The following TTC28 variants were observed in gnomAD, a reference collection of about 807,000 sequenced individuals.
TTC28 encodes the protein tetratricopeptide repeat domain 28, also known as tetratricopeptide repeat protein 28.
Under a neutral mutation model 198.0 loss-of-function variants are expected in TTC28, and 61 were observed. The observed-to-expected ratio is 0.31, with a 90% confidence interval of 0.25 to 0.38. The LOEUF is 0.38. TTC28 is among the 10% of genes least tolerant of loss of function. TTC28 has a pLI of 1.00. For synonymous variants in TTC28, 1,171 were observed against 1,297.8 expected (o/e 0.90, Z 2.10); for missense variants, 2,678 against 3,164.0 (o/e 0.85, Z 3.69).
intron 5 of TTC28, among the ~76,000 whole-genome samples, chr22:28,209,074 T>G (rs2039999908): frequency 6.6e-6 from 1 of 152,138 alleles, no homozygotes; most frequent in African/African-American, 2.4e-5. Context: ...TTCTCATACT[T>G]TCAAATTTTC....
At position 28,137,417 on chromosome 22, in the gene TTC28, G is replaced by GTA. The variant is rs1478087006; in HGVS notation, c.1441+25673_1441+25674dup. Among the ~76,000 whole-genome samples the GTA allele has an allele frequency of 4.6e-5, 7 of 152,216 alleles. No individual in the cohort carries two copies. The East Asian group carries it at 1.4e-3, about 29-fold the overall frequency. On this transcript the variant is annotated intron_variant, in intron 6 of 22. Coordinates refer to ENST00000397906, the MANE Select transcript of TTC28 (RefSeq NM_001145418.2). ...CTTTCCTCTCTCGCTTCTCAGAAGC[G>GTA]TACAGGTAGCAGACCAGCAAGTTAA...
At chr22:28,534,555 A>G (rs1462600197) in intron 2 of TTC28, among the ~76,000 whole-genome samples, 5 of 152,230 alleles carry the variant, frequency 3.3e-5, no homozygotes, top group Admixed American at 2.6e-4. Context: ...CAGCCATCCC[A>G]TTACTGAGTA....
In TTC28 at chr22:27,983,686, C is replaced by A; in HGVS notation, c.5981G>T (p.Ser1994Ile). ...SIASDAISVY[S>I]LSSIASSMSF... is the part of the protein sequence containing the mutation. ...CATTGAGGAGGCAATGGAGCTCAGA[C>A]TGTACACAGAGATGGCATCTGAGGC... The change falls in exon 23 of 23, where the codon AGT becomes ATT. Residue 1994 changes from serine to isoleucine, a missense_variant. By Grantham distance (142) the Ser-to-Ile change is moderately radical. Transcript: ENST00000397906. 2.6e-6 allele frequency: 4 copies of A among 1,549,380 alleles called. No individual in the cohort carries two copies. Among genetic ancestry groups the A allele is most frequent in the Non-Finnish European group, 3.5e-6 (4 of 1,146,044 alleles).
chr22:28,183,465 G>A (rs1923899034), intron 5 of TTC28, among the ~76,000 whole-genome samples: 1 of 152,106 alleles, frequency 6.6e-6, no homozygotes, highest in Non-Finnish European at 1.5e-5. Context: ...CAGGTCTTCA[G>A]GACCCCAGCT....
intron 2 of TTC28, among the ~76,000 whole-genome samples, chr22:28,443,760 A>G (rs2047660315): frequency 1.3e-5 from 2 of 152,124 alleles, no homozygotes; most frequent in African/African-American, 4.8e-5. Context: ...CCAACACAAA[A>G]AGTAAAGCAT....
In TTC28 at chr22:27,985,422, C is replaced by CT. The variant is rs1261063534; in HGVS notation, c.5708-67dup. 3.9e-6 allele frequency: 5 copies of CT among 1,292,076 alleles called. No homozygotes were observed. In the African/African-American group the frequency reaches 7.4e-5, roughly 19 times the overall value. The allele number at this position is 1,292,076 out of a possible 1,614,324, so 80.0% of individuals were successfully genotyped here. A position where few individuals can be genotyped will look rare whatever the true frequency, so the allele number is the denominator to read the frequency against. On this transcript the variant is annotated intron_variant, in intron 21 of 22. Coordinates refer to ENST00000397906, the MANE Select transcript of TTC28 (RefSeq NM_001145418.2). The stretch of plus-strand genomic sequence containing the variant: ...AGATTCCAGATCTTGAACATGAGCG[C>CT]TATAGGGCTCCTTGTGCAACTTCAT...
At chr22:28,359,279 T>C (rs972470434) in intron 2 of TTC28, among the ~76,000 whole-genome samples, 3 of 152,160 alleles carry the variant, frequency 2.0e-5, no homozygotes, top group South Asian at 4.1e-4. Flanking sequence ...TTAGGTATCA[T>C]ATAAGAATCA....
At chr22:28,406,966 A>G (rs1198755151) in intron 2 of TTC28, among the ~76,000 whole-genome samples, 1 of 152,230 alleles carries the variant, frequency 6.6e-6, no homozygotes, top group Non-Finnish European at 1.5e-5. Flanking sequence ...CACACCCTAG[A>G]AATTCTAACC....
chr22:28,177,398 T>C (rs2147096444), intron 5 of TTC28, among the ~76,000 whole-genome samples: 1 of 152,268 alleles, frequency 6.6e-6, no homozygotes, highest in African/African-American at 2.4e-5. Flanking sequence ...CTCTCATTCA[T>C]AGTCGGAAGG....
chr22:28,319,628 A>C (rs116363798), intron 2 of TTC28, among the ~76,000 whole-genome samples: 97 of 152,312 alleles, frequency 6.4e-4, no homozygotes, highest in African/African-American at 2.2e-3. Context: ...CTAAACCTAA[A>C]ACTGCTCTAA....
chr22:28,347,834 G>A (rs1191610593), intron 2 of TTC28, among the ~76,000 whole-genome samples: 2 of 152,210 alleles, frequency 1.3e-5, no homozygotes, highest in Non-Finnish European at 2.9e-5. Flanking sequence ...AGCCGAGATC[G>A]TGCCACTGCA....
At chr22:28,069,730 TATTA>T in intron 12 of TTC28, among the ~76,000 whole-genome samples, 1 of 152,242 alleles carries the variant, frequency 6.6e-6, no homozygotes, top group South Asian at 2.1e-4. Context: ...TTCATCCAAC[TATTA>T]ATTATCTATC....
intron 12 of TTC28, among the ~76,000 whole-genome samples, chr22:28,066,317 G>A (rs934178068): frequency 4.6e-5 from 7 of 151,884 alleles, no homozygotes; most frequent in Non-Finnish European, 8.8e-5. Flanking sequence ...GTGTGTGTGT[G>A]TGTGTGCGCG....
chr22:28,096,299 T>A lies in TTC28; in HGVS notation c.3657A>T (p.Pro1219=), dbSNP rs1941969740. 4.5e-6 allele frequency: 7 copies of A among 1,551,820 alleles called. No homozygotes were observed. Among genetic ancestry groups the A allele is most frequent in the South Asian group, 1.2e-5 (1 of 84,064 alleles). ...TCTCTAAGATCTGATCAATAGTGACTGGGGAGTAGGGGTCGGAGTCTTGTT... is the reference window on the plus strand; with the variant it reads ...TCTCTAAGATCTGATCAATAGTGACAGGGGAGTAGGGGTCGGAGTCTTGTT... ...TGQQDSDPYS[P]VTIDQILEMV... is the part of the protein sequence containing the mutation. The change falls in exon 11 of 23, where the codon CCA becomes CCT. Residue 1219 remains proline (P), a synonymous_variant. Transcript: ENST00000397906.
chr22:28,603,664 A>T (rs1163529338), intron 2 of TTC28, among the ~76,000 whole-genome samples: 1 of 152,148 alleles, frequency 6.6e-6, no homozygotes, highest in South Asian at 2.1e-4. Context: ...CAAAACACTG[A>T]GATTACAAGT....
Position 28,034,154 on chromosome 22 carries a change from C to T in TTC28, c.3933-3788G>A, listed in dbSNP as rs180797240. Among the ~76,000 whole-genome samples, 18 of 152,172 alleles carry T rather than the reference C, an allele frequency of 1.2e-4. No homozygotes were observed. In the East Asian group the frequency reaches 2.7e-3, roughly 23 times the overall value. ...CTACTCTGATGGCCATGATCTGAAA[C>T]GGAGAAGAAACAATAGAGACACATT... On this transcript the variant is annotated intron_variant, in intron 12 of 22. Transcript: ENST00000397906.
chr22:28,050,787 G>A (rs1254237195), intron 12 of TTC28, among the ~76,000 whole-genome samples: 1 of 152,138 alleles, frequency 6.6e-6, no homozygotes, highest in African/African-American at 2.4e-5. Flanking sequence ...CTTCTAATGG[G>A]AATCCTACAG....
At chr22:28,629,462 G>C in intron 2 of TTC28, 90 bp downstream of exon 2, 1 of 1,273,780 alleles carries the variant, frequency 7.9e-7, no homozygotes, top group Non-Finnish European at 1.1e-6. Context: ...ATATTAGTAA[G>C]TACACTAAAT....
chr22:28,105,435 C>G lies in TTC28; in HGVS notation c.3151G>C (p.Gly1051Arg), dbSNP rs1569141267. 3 of 1,551,670 alleles carry G rather than the reference C, an allele frequency of 1.9e-6. No homozygotes were observed. The East Asian group carries it at 7.3e-5, about 38-fold the overall frequency. ...GNLGLTYESL[G>R]TFERAVVYQE... ...TAGACCACAGCCCTCTCGAAGGTGC[C>G]CAGGGATTCATAAGTCAGGCCCAGG... The change falls in exon 8 of 23, where the codon GGC (glycine) becomes CGC (arginine). Residue 1051 changes from glycine to arginine, a missense_variant. This residue lies in a region of TTC28 where 727 missense variants were observed against 861.9 expected (regional missense o/e 0.84). Transcript: ENST00000397906.
Sources: allele counts gnomAD v4.1 joint callset (sites outside exome capture counted in the v4.1 genomes callset), GRCh38; gene constraint gnomAD v4.1.1; regional missense constraint gnomAD v4.1.1; transcripts MANE v1.5; gene names NCBI Gene and HGNC (gene_info 2026-07-23, HGNC 2026-07-21).